Variants in ROBO1 observed in about 807,000 individuals in gnomAD.
ROBO1 encodes the protein roundabout guidance receptor 1.
Under a neutral mutation model 195.9 loss-of-function variants are expected in ROBO1, and 149 were observed. That is an observed-to-expected ratio of 0.76 (90% CI 0.67 to 0.87). The LOEUF is 0.87. ROBO1 is among the 40% of genes least tolerant of loss of function. The probability of loss-of-function intolerance (pLI) is 0.00; values close to 1 mark genes in which losing one functional copy is unlikely to be tolerated. For synonymous variants in ROBO1, 816 were observed against 733.2 expected, an observed-to-expected ratio of 1.11 and a Z score of -1.82; for missense variants, 1,933 against 2,068.3, an observed-to-expected ratio of 0.93 and a Z score of 1.27.
chr3:78,884,714 A>C (rs1268594342), intron 4 of ROBO1, among the ~76,000 whole-genome samples: 1 of 150,398 alleles, frequency 6.6e-6, no homozygotes, highest in Non-Finnish European at 1.5e-5. Flanking sequence ...GAAAGAAAGA[A>C]GGAAAGGAAA....
intron 2 of ROBO1, among the ~76,000 whole-genome samples, chr3:79,461,803 A>G (rs1937652770): frequency 6.6e-6 from 1 of 152,172 alleles, no homozygotes; most frequent in Non-Finnish European, 1.5e-5. Context: ...ATTTTGACAT[A>G]ATGTTTGAAA....
intron 3 of ROBO1, among the ~76,000 whole-genome samples, chr3:78,978,062 C>T (rs931189702): frequency 1.3e-5 from 2 of 152,066 alleles, no homozygotes; most frequent in Non-Finnish European, 2.9e-5. Context: ...GTTATTTTTG[C>T]TCTTTTTTCA....
At chr3:79,763,020 G>A (rs1417281752) in intron 1 of ROBO1, among the ~76,000 whole-genome samples, 1 of 152,186 alleles carries the variant, frequency 6.6e-6, no homozygotes, top group African/African-American at 2.4e-5. Flanking sequence ...AATCTAAAGA[G>A]ATAAGCAAGT....
intron 8 of ROBO1, among the ~76,000 whole-genome samples, chr3:78,707,977 G>A (rs373758976): frequency 1.5e-4 from 23 of 152,162 alleles, no homozygotes; most frequent in African/African-American, 4.6e-4. Flanking sequence ...TTTTCAGGCC[G>A]TTCTTGGTTC....
chr3:78,705,385 G>A (rs953495185), intron 8 of ROBO1, among the ~76,000 whole-genome samples: 1 of 152,142 alleles, frequency 6.6e-6, no homozygotes, highest in Non-Finnish European at 1.5e-5. Flanking sequence ...TTATTCATTA[G>A]TTTATTTTCC....
chr3:79,519,616 C>A, intron 2 of ROBO1, among the ~76,000 whole-genome samples: 3 of 106,694 alleles, frequency 2.8e-5, no homozygotes, highest in Admixed American at 2.6e-4. Context: ...GTGACAGAGC[C>A]AGACTCCTGC....
rs151070318 is a variant in ROBO1, at chr3:79,596,912, T to C, written c.-50-6951A>G. ...GAAACCATGTAGATGATTCTTAGTA[T>C]ATTATAGCATGTATGGTGAATGGAC... On this transcript the variant is annotated intron_variant, in intron 1 of 30. Transcript: ENST00000464233. Among the ~76,000 whole-genome samples the C allele has an allele frequency of 3.3e-5, 5 of 152,128 alleles. No homozygotes were observed. In the East Asian group the frequency reaches 7.8e-4, roughly 24 times the overall value.
chr3:78,735,226 A>G (rs1398263849), intron 5 of ROBO1, among the ~76,000 whole-genome samples: 2 of 152,226 alleles, frequency 1.3e-5, no homozygotes, highest in African/African-American at 2.4e-5. Context: ...AAATCAAGAC[A>G]GGAGAACTTA....
intron 4 of ROBO1, among the ~76,000 whole-genome samples, chr3:78,862,548 A>C (rs1559936736): frequency 6.6e-6 from 1 of 152,180 alleles, no homozygotes. Flanking sequence ...ATTTGTGGCA[A>C]TTTGTGAAGG....
intron 8 of ROBO1, among the ~76,000 whole-genome samples, chr3:78,699,593 TTAATAA>T (rs566669166): frequency 6.7e-6 from 1 of 149,720 alleles, no homozygotes; most frequent in South Asian, 2.1e-4. Context: ...AATAATAATA[TTAATAA>T]TAATAATAAT....
intron 2 of ROBO1, among the ~76,000 whole-genome samples, chr3:79,441,165 A>G (rs1312084933): frequency 6.6e-6 from 1 of 152,136 alleles, no homozygotes; most frequent in African/African-American, 2.4e-5. Flanking sequence ...TTTAGAGTAT[A>G]TTACATTTAT....
chr3:78,966,468 A>G (rs551044246), intron 3 of ROBO1, among the ~76,000 whole-genome samples: 1 of 152,324 alleles, frequency 6.6e-6, no homozygotes, highest in South Asian at 2.1e-4. Flanking sequence ...ATGTCAGAGA[A>G]GCCCACTTCT....
chr3:79,521,443 G>A (rs771103223), intron 2 of ROBO1, among the ~76,000 whole-genome samples: 5 of 152,158 alleles, frequency 3.3e-5, no homozygotes, highest in Admixed American at 3.3e-4. Flanking sequence ...TAAGCTAGGA[G>A]TTTCGTGCGC....
Position 79,646,707 on chromosome 3 carries a change from C to T in ROBO1, c.-50-56746G>A, listed in dbSNP as rs138047296. Reference sequence around the variant, plus strand: ...ATAAAGAAAATGTAGTATGTATACACAATGAAATATTATTCACACATTAAG... The same window carrying T: ...ATAAAGAAAATGTAGTATGTATACATAATGAAATATTATTCACACATTAAG... On this transcript the variant is annotated intron_variant, in intron 1 of 30. Transcript: ENST00000464233. 2.6e-3 allele frequency among the ~76,000 whole-genome samples: 391 copies of T among 152,120 alleles called. 5 individuals are homozygous for T. Among genetic ancestry groups the T allele is most frequent in the African/African-American group, 8.2e-3 (339 of 41,508 alleles).
At chr3:79,375,926 C>A (rs535263834) in intron 2 of ROBO1, among the ~76,000 whole-genome samples, 1 of 152,200 alleles carries the variant, frequency 6.6e-6, no homozygotes, top group African/African-American at 2.4e-5. Context: ...TTAGCTTAGA[C>A]CAGGTTTGGG....
chr3:79,573,100 A>G (rs1038440565), intron 2 of ROBO1, among the ~76,000 whole-genome samples: 4 of 152,274 alleles, frequency 2.6e-5, no homozygotes, highest in Non-Finnish European at 5.9e-5. Flanking sequence ...TGCAAGCTGG[A>G]GTGCAGCGGC....
At chr3:79,666,100 T>C (rs1946468444) in intron 1 of ROBO1, among the ~76,000 whole-genome samples, 1 of 151,982 alleles carries the variant, frequency 6.6e-6, no homozygotes, top group African/African-American at 2.4e-5. Flanking sequence ...CCCAATTTCA[T>C]AGAGATATAT....
chr3:79,294,626 G>A lies in ROBO1; in HGVS notation c.89-169087C>T, dbSNP rs368818430. On this transcript the variant is annotated intron_variant, in intron 2 of 30. Coordinates refer to ENST00000464233, the MANE Select transcript of ROBO1 (RefSeq NM_002941.4). ...GATCTAATTAAACTGAAGAGCCTCT[G>A]CACAACAAAAGAAACAATCATAAGG... Among the ~76,000 whole-genome samples the A allele has an allele frequency of 1.2e-4, 18 of 152,128 alleles. No individual in the cohort carries two copies. In the South Asian group the frequency reaches 3.7e-3, roughly 32 times the overall value.
At chr3:79,424,198 A>G (rs1198240734) in intron 2 of ROBO1, among the ~76,000 whole-genome samples, 1 of 152,112 alleles carries the variant, frequency 6.6e-6, no homozygotes, top group African/African-American at 2.4e-5. Flanking sequence ...TTGTAGAAAA[A>G]TAAGATTTAC....
Sources: allele counts gnomAD v4.1 joint callset (sites outside exome capture counted in the v4.1 genomes callset), GRCh38; gene constraint gnomAD v4.1.1; transcripts MANE v1.5; gene names NCBI Gene and HGNC (gene_info 2026-07-23, HGNC 2026-07-21).